KAZN: variants seen among roughly 807,000 people sequenced by gnomAD.
The protein encoded by KAZN is kazrin.
KAZN carries 40 observed loss-of-function variants against 87.4 expected under a neutral mutation model. That is an observed-to-expected ratio of 0.46 (90% confidence interval 0.36 to 0.60). The LOEUF is 0.60. Among genes scored for constraint, KAZN ranks in the 20% least tolerant of loss-of-function variants. The pLI is 0.00. For synonymous variants in KAZN, 466 were observed against 458.3 expected (o/e 1.02, Z -0.22); for missense variants, 898 against 1,073.9 (o/e 0.84, Z 2.29).
At chr1:14,569,766 C>G (rs1674752378) in intron 2 of KAZN, among the ~76,000 whole-genome samples, 1 of 152,132 alleles carries the variant, frequency 6.6e-6, no homozygotes, top group Non-Finnish European at 1.5e-5. Context: ...CAACTGCAGC[C>G]AGAGGGGTGG....
chr1:14,270,058 C>T (rs1461805676), intron 2 of KAZN, among the ~76,000 whole-genome samples: 1 of 152,204 alleles, frequency 6.6e-6, no homozygotes, highest in African/African-American at 2.4e-5. Flanking sequence ...AGATGCACCT[C>T]CATGACCCAA....
At chr1:14,490,479 TGTTTTTTTG>T (rs1035483846) in intron 2 of KAZN, among the ~76,000 whole-genome samples, 2 of 152,116 alleles carry the variant, frequency 1.3e-5, no homozygotes, top group African/African-American at 4.8e-5. Flanking sequence ...TTTTTTTGTT[TGTTTTTTTG>T]GTTTGTTTGT....
intron 1 of KAZN, among the ~76,000 whole-genome samples, chr1:14,167,666 C>T (rs948168795): frequency 3.3e-5 from 5 of 151,828 alleles, no homozygotes; most frequent in Non-Finnish European, 4.4e-5. Flanking sequence ...GAGGTTGCAG[C>T]GAGCCGAGAT....
chr1:14,192,877 TGG>T, intron 2 of KAZN, among the ~76,000 whole-genome samples: 1 of 152,302 alleles, frequency 6.6e-6, no homozygotes, highest in East Asian at 1.9e-4. Context: ...ATTTGGACAT[TGG>T]GTCTTTACAG....
chr1:14,328,876 G>T (rs1023694755), intron 2 of KAZN, among the ~76,000 whole-genome samples: 1 of 151,240 alleles, frequency 6.6e-6, no homozygotes, highest in Non-Finnish European at 1.5e-5. Context: ...TGCAAAATAT[G>T]TTGGGAGGGT....
At chr1:14,234,409 T>G (rs1417698405) in intron 2 of KAZN, among the ~76,000 whole-genome samples, 140 of 139,010 alleles carry the variant, frequency 1.0e-3, no homozygotes, top group East Asian at 1.4e-3. Flanking sequence ...TGTTAGGGGA[T>G]GGGGGGCTAG....
intron 1 of KAZN, among the ~76,000 whole-genome samples, chr1:14,895,193 G>A (rs1346467436): frequency 6.6e-6 from 1 of 152,218 alleles, no homozygotes; most frequent in African/African-American, 2.4e-5. Context: ...TGGGGCAATG[G>A]CCAGCCCCAG....
At chr1:14,752,735 A>G (rs547852293) in intron 1 of KAZN, among the ~76,000 whole-genome samples, 1 of 152,280 alleles carries the variant, frequency 6.6e-6, no homozygotes, top group African/African-American at 2.4e-5. Flanking sequence ...CAACATAGGA[A>G]TTTGGTGGGG....
intron 1 of KAZN, among the ~76,000 whole-genome samples, chr1:14,722,987 G>A (rs141953826): frequency 3.9e-5 from 6 of 152,196 alleles, no homozygotes; most frequent in East Asian, 1.9e-4. Flanking sequence ...TTAGCTGGAC[G>A]TGGTGGTGTG....
intron 2 of KAZN, among the ~76,000 whole-genome samples, chr1:14,262,947 C>T (rs1651195361): frequency 1.3e-5 from 2 of 152,172 alleles, no homozygotes; most frequent in South Asian, 4.1e-4. Flanking sequence ...CACTCTGTAA[C>T]TAATAAAATT....
chr1:14,721,954 G>T (rs1436251428), intron 1 of KAZN, among the ~76,000 whole-genome samples: 1 of 152,148 alleles, frequency 6.6e-6, no homozygotes, highest in African/African-American at 2.4e-5. Flanking sequence ...AGAAGATCGA[G>T]ACCAGCCTGG....
chr1:14,707,504 TC>T (rs1642271922), intron 1 of KAZN, among the ~76,000 whole-genome samples: 2 of 152,236 alleles, frequency 1.3e-5, no homozygotes, highest in South Asian at 4.1e-4. Flanking sequence ...TCTGGAATTC[TC>T]CAGAGTCATT....
chr1:14,328,665 T>C (rs1177048290), intron 2 of KAZN, among the ~76,000 whole-genome samples: 1 of 145,656 alleles, frequency 6.9e-6, no homozygotes, highest in Non-Finnish European at 1.5e-5. Context: ...ATTGCACCAC[T>C]GTACTCCAGC....
At position 14,129,658 on chromosome 1, in the gene KAZN, C is replaced by T. The variant is rs750457987; in HGVS notation, c.92-50777C>T. Among the ~76,000 whole-genome samples, 92 of 152,176 alleles carry T rather than the reference C, an allele frequency of 6.0e-4. 1 individual carries two copies. The highest frequency in any genetic ancestry group is 1.0e-4 in the Non-Finnish European group (7 of 68,034). On this transcript the variant is annotated intron_variant, in intron 1 of 16. Coordinates refer to the KAZN transcript ENST00000636203. ...GCCACTCGTCCATATTCTCCATGTT[C>T]TTCTCGTGATGGGTGTTACACTTGT...
rs1023186464 is a variant in KAZN, at chr1:15,077,861, G to A, written c.1222+12108G>A. 6.6e-6 allele frequency among the ~76,000 whole-genome samples: 1 copy of A among 152,176 alleles called. No individual in the cohort carries two copies. Among genetic ancestry groups the A allele is most frequent in the African/African-American group, 2.4e-5 (1 of 41,432 alleles). On this transcript the variant is annotated intron_variant, in intron 8 of 14. Coordinates refer to ENST00000376030, the MANE Select transcript of KAZN (RefSeq NM_201628.3). The surrounding 1 kb of genome is among the most constrained non-coding windows in gnomAD (Gnocchi z 4.8). The stretch of plus-strand genomic sequence containing the variant: ...GCAGGAGAGGTAGCAGGGGGTGTGA[G>A]GAAAGCTAATATGACTTGCTGACAT...
At chr1:14,419,892 A>T (rs911574272) in intron 2 of KAZN, among the ~76,000 whole-genome samples, 1 of 152,148 alleles carries the variant, frequency 6.6e-6, no homozygotes, top group African/African-American at 2.4e-5. Context: ...GAGACCCCAA[A>T]GAGCGAGCAA....
intron 2 of KAZN, among the ~76,000 whole-genome samples, chr1:14,563,595 A>G (rs1001505847): frequency 6.6e-6 from 1 of 151,982 alleles, no homozygotes; most frequent in Non-Finnish European, 1.5e-5. Flanking sequence ...TACCTAAGTC[A>G]GAAGCTTAGC....
chr1:14,487,017 T>C (rs992610523), intron 2 of KAZN, among the ~76,000 whole-genome samples: 5 of 152,228 alleles, frequency 3.3e-5, no homozygotes, highest in Admixed American at 1.3e-4. Flanking sequence ...TATTTTTTGG[T>C]AGGGCTGAAA....
chr1:14,492,271 G>A (rs1020534075), intron 2 of KAZN, among the ~76,000 whole-genome samples: 1 of 152,064 alleles, frequency 6.6e-6, no homozygotes, highest in African/African-American at 2.4e-5. Flanking sequence ...GATGGCCTCA[G>A]GGCTCCCTGG....
Sources: gnomAD v4.1 joint callset for allele counts (sites outside exome capture counted in the v4.1 genomes callset) on GRCh38, gnomAD v4.1.1 for gene constraint, Gnocchi (gnomAD v3.1) non-coding constraint, MANE v1.5 for transcripts, NCBI Gene and HGNC (gene_info 2026-07-23, HGNC 2026-07-21) for gene names.